The following USP13 variants were observed in gnomAD, a reference collection of about 807,000 sequenced individuals.
USP13 encodes ubiquitin carboxyl-terminal hydrolase 13.
Under a neutral mutation model 107.8 loss-of-function variants are expected in USP13, and 68 were observed. That is an observed-to-expected ratio of 0.63 (90% confidence interval 0.52 to 0.77). The LOEUF (loss-of-function observed/expected upper bound fraction) is 0.77. Ranked by LOEUF, USP13 falls within the 30% of genes least tolerant of loss-of-function variation. The pLI is 0.00. For synonymous variants in USP13, 377 were observed against 389.5 expected, an observed-to-expected ratio of 0.97 and a Z score of 0.38; for missense variants, 945 against 1,093.3, an observed-to-expected ratio of 0.86 and a Z score of 1.91.
At chr3:179,749,035 T>C (rs143182207) in intron 13 of USP13, among the ~76,000 whole-genome samples, 5 of 152,202 alleles carry the variant, frequency 3.3e-5, no homozygotes, top group African/African-American at 1.2e-4. Flanking sequence ...TTTGATGATA[T>C]AATTTGAGTG....
chr3:179,657,391 C>T (rs1263897140), intron 1 of USP13, among the ~76,000 whole-genome samples: 4 of 148,654 alleles, frequency 2.7e-5, no homozygotes, highest in African/African-American at 1.0e-4. Context: ...GAGACTCCGT[C>T]TCAAAAAAAT....
Position 179,653,534 on chromosome 3 carries a change from C to T in USP13, c.168+141C>T. Reference sequence around the variant, plus strand: ...TTGGCTCAGGAACACTGCAGTTCGGCAGACACTTAGTGAGCGCCCCAGGGC... The same window carrying T: ...TTGGCTCAGGAACACTGCAGTTCGGTAGACACTTAGTGAGCGCCCCAGGGC... On this transcript the variant is annotated intron_variant, in intron 1 of 20. Coordinates refer to ENST00000263966, the MANE Select transcript of USP13 (RefSeq NM_003940.3). This position sits in a 1 kb window ranked among gnomAD's most constrained non-coding sequence, Gnocchi z 4.0. 4.9e-6 allele frequency: 6 copies of T among 1,215,338 alleles called. No homozygotes were observed. The highest frequency in any genetic ancestry group is 5.6e-6 in the Non-Finnish European group (5 of 886,688). 75.3% of individuals were successfully genotyped at this position (1,215,338 alleles called of 1,614,324 possible).
At chr3:179,711,934 G>A (rs1247471819) in intron 6 of USP13, among the ~76,000 whole-genome samples, 1 of 152,120 alleles carries the variant, frequency 6.6e-6, no homozygotes, top group Non-Finnish European at 1.5e-5. Context: ...GACTGGCAGC[G>A]CAATAGGTTT....
rs763193532 is a variant in USP13 at position 179,761,272 on chromosome 3, T to C, written c.2092+17T>C. Reference sequence around the variant, plus strand: ...AAGAGCCAGGTAGGTGGCGAGAAAATGGAATGGCTTTGGAGTCTGATGTGA... The same window carrying C: ...AAGAGCCAGGTAGGTGGCGAGAAAACGGAATGGCTTTGGAGTCTGATGTGA... On this transcript the variant is annotated intron_variant, in intron 17 of 20. Coordinates refer to ENST00000263966, the MANE Select transcript of USP13 (RefSeq NM_003940.3). 1 of 1,613,800 alleles carries C rather than the reference T, an allele frequency of 6.2e-7. No homozygotes were observed. Among genetic ancestry groups the C allele is most frequent in the South Asian group, 1.1e-5 (1 of 91,050 alleles).
chr3:179,757,136 TTGTC>T, intron 16 of USP13, 58 bp downstream of exon 16: 1 of 1,587,308 alleles, frequency 6.3e-7, no homozygotes, highest in East Asian at 2.2e-5. Context: ...TCTGATGAAT[TTGTC>T]TGTGAAAGTT....
chr3:179,683,649 C>T (rs942663162), intron 2 of USP13, among the ~76,000 whole-genome samples: 12 of 152,154 alleles, frequency 7.9e-5, no homozygotes, highest in Non-Finnish European at 1.3e-4. Flanking sequence ...GAAAGACCCG[C>T]CCCCATAATT....
chr3:179,681,821 A>G (rs1711666559), intron 1 of USP13, 57 bp from the exon 2 acceptor site: 2 of 1,561,958 alleles, frequency 1.3e-6, no homozygotes, highest in South Asian at 2.4e-5. Flanking sequence ...CCCTCTTTCT[A>G]CATCTGACTA....
chr3:179,725,298 G>T (rs923343708), intron 8 of USP13, among the ~76,000 whole-genome samples: 2 of 151,616 alleles, frequency 1.3e-5, no homozygotes, highest in Non-Finnish European at 1.5e-5. Flanking sequence ...TTTCCAGTGA[G>T]TTTTTTTTTG....
At chr3:179,674,134 T>C (rs1170382894) in intron 1 of USP13, among the ~76,000 whole-genome samples, 3 of 151,980 alleles carry the variant, frequency 2.0e-5, no homozygotes, top group African/African-American at 7.3e-5. Context: ...CTCAGGTGAT[T>C]CACCCGCCTC....
At chr3:179,665,821 A>G (rs930488127) in intron 1 of USP13, among the ~76,000 whole-genome samples, 1 of 152,150 alleles carries the variant, frequency 6.6e-6, no homozygotes, top group Non-Finnish European at 1.5e-5. Flanking sequence ...CCTGACCTCA[A>G]GTGATCTGCC....
chr3:179,766,319 A>G (rs756911723), intron 19 of USP13, among the ~76,000 whole-genome samples: 1 of 152,148 alleles, frequency 6.6e-6, no homozygotes, highest in Non-Finnish European at 1.5e-5. Context: ...GCCACTTTGC[A>G]TAGGCCCCGG....
chr3:179,659,403 A>G (rs1720390526), intron 1 of USP13, among the ~76,000 whole-genome samples: 1 of 152,204 alleles, frequency 6.6e-6, no homozygotes, highest in Non-Finnish European at 1.5e-5. Context: ...CTGAACCAGC[A>G]GCACTAGCAT....
At chr3:179,732,219 A>G (rs1272155906) in intron 10 of USP13, among the ~76,000 whole-genome samples, 1 of 152,188 alleles carries the variant, frequency 6.6e-6, no homozygotes, top group African/African-American at 2.4e-5. Context: ...CCCATCTGAG[A>G]TACAGTTGAG....
intron 6 of USP13, among the ~76,000 whole-genome samples, chr3:179,719,414 G>T (rs1008581795): frequency 8.5e-5 from 13 of 152,212 alleles, no homozygotes; most frequent in Admixed American, 8.5e-4. Flanking sequence ...GCAAGTGGGA[G>T]GTAGAGGCGG....
intron 19 of USP13, among the ~76,000 whole-genome samples, chr3:179,774,341 G>C (rs1311671873): frequency 2.0e-5 from 3 of 152,118 alleles, no homozygotes; most frequent in Non-Finnish European, 4.4e-5. Context: ...ATGAAGCCGC[G>C]GACCCTCCCT....
chr3:179,663,334 G>A (rs1000048222), intron 1 of USP13, among the ~76,000 whole-genome samples: 2 of 152,184 alleles, frequency 1.3e-5, no homozygotes, highest in African/African-American at 2.4e-5. Context: ...TGTAAGGCAG[G>A]ATAATATCCC....
chr3:179,674,557 T>G (rs549646414), intron 1 of USP13, among the ~76,000 whole-genome samples: 14 of 152,346 alleles, frequency 9.2e-5, no homozygotes, highest in African/African-American at 3.1e-4. Flanking sequence ...CTCCTCTATT[T>G]GGGGCCATTG....
Position 179,745,335 on chromosome 3 carries a change from T to C in USP13, c.1709+118T>C, listed in dbSNP as rs148093188. ...TCTGTGTGTGTTTGTTCATGTGTGA[T>C]GGATGGGATTATGGTTCACACACCC... is the stretch of plus-strand genomic sequence containing the variant. On this transcript the variant is annotated intron_variant, in intron 13 of 20. Transcript: ENST00000263966. 1.2e-3 allele frequency: 1,487 copies of C among 1,274,132 alleles called. 14 individuals are homozygous for C. The African/African-American group carries it at 0.018, about 16-fold the overall frequency. 78.9% of individuals were successfully genotyped at this position (1,274,132 alleles called of 1,614,324 possible).
intron 13 of USP13, among the ~76,000 whole-genome samples, chr3:179,750,256 ACT>A (rs1714547349): frequency 6.7e-6 from 1 of 148,852 alleles, no homozygotes; most frequent in African/African-American, 2.5e-5. Context: ...CAAGAGCAAA[ACT>A]CTGTCTCAAA....
Sources: allele counts gnomAD v4.1 joint callset (sites outside exome capture counted in the v4.1 genomes callset), GRCh38; gene constraint gnomAD v4.1.1; non-coding constraint Gnocchi (gnomAD v3.1); transcripts MANE v1.5; gene names NCBI Gene and HGNC (gene_info 2026-07-23, HGNC 2026-07-21).